Variants in KCNQ4 observed in about 807,000 individuals in gnomAD.
KCNQ4 encodes the protein potassium voltage-gated channel subfamily Q member 4, also known as potassium voltage-gated channel subfamily KQT member 4.
Under a neutral mutation model 72.6 loss-of-function variants are expected in KCNQ4, and 31 were observed. The observed-to-expected ratio is 0.43, with a 90% CI of 0.32 to 0.58. KCNQ4 has a LOEUF of 0.58. Among genes scored for constraint, KCNQ4 ranks in the 20% least tolerant of loss-of-function variants. KCNQ4 has a pLI of 0.08. For synonymous variants in KCNQ4, 405 were observed against 403.7 expected, an observed-to-expected ratio of 1.00 and a Z score of -0.04; for missense variants, 869 against 962.6, an observed-to-expected ratio of 0.90 and a Z score of 1.29.
In KCNQ4 at chr1:40,831,160, G is replaced by A. The variant is rs776087577; in HGVS notation, c.1369G>A (p.Ala457Thr). 1.2e-6 allele frequency: 2 copies of A among 1,611,252 alleles called. No homozygotes were observed. Among genetic ancestry groups the A allele is most frequent in the East Asian group, 2.2e-5 (1 of 44,808 alleles). The change falls in exon 10 of 14, where the codon GCA becomes ACA. Residue 457 changes from alanine (A) to threonine (T), a missense_variant. Ala to Thr is a moderately conservative substitution (Grantham distance 58, BLOSUM62 0). Transcript: ENST00000347132. ...GACGGGTCCTTCCAAGCAGCATCTGGCACCTCCAACAATGCCCACCTCCCC... is the reference window on the plus strand; with the variant it reads ...GACGGGTCCTTCCAAGCAGCATCTGACACCTCCAACAATGCCCACCTCCCC... ...RRTGPSKQHL[A>T]PPTMPTSPSS... is the part of the protein sequence containing the mutation.
At chr1:40,787,819 G>T (rs147678179) in intron 1 of KCNQ4, among the ~76,000 whole-genome samples, 1 of 152,136 alleles carries the variant, frequency 6.6e-6, no homozygotes, top group East Asian at 1.9e-4. Context: ...GGGAATGCTC[G>T]CTGTCCCCTT....
At chr1:40,807,962 C>A (rs749211197) in intron 1 of KCNQ4, among the ~76,000 whole-genome samples, 17 of 151,682 alleles carry the variant, frequency 1.1e-4, no homozygotes, top group South Asian at 2.1e-4. Context: ...TACTAAAAAT[C>A]AAAAAAAATT....
intron 1 of KCNQ4, among the ~76,000 whole-genome samples, chr1:40,786,232 A>T (rs1647201364): frequency 6.6e-6 from 1 of 152,250 alleles, no homozygotes; most frequent in Non-Finnish European, 1.5e-5. Flanking sequence ...TTTCCAAGGC[A>T]TGGCAGGGCC....
chr1:40,832,047 T>C (rs1489456550), intron 10 of KCNQ4, among the ~76,000 whole-genome samples: 1 of 152,240 alleles, frequency 6.6e-6, no homozygotes, highest in African/African-American at 2.4e-5. Flanking sequence ...GATGTCACTT[T>C]TCTGAGTTTT....
chr1:40,814,388 G>A (rs575541504), intron 1 of KCNQ4, among the ~76,000 whole-genome samples: 3 of 152,198 alleles, frequency 2.0e-5, no homozygotes, highest in African/African-American at 7.2e-5. Context: ...TGTTATTACC[G>A]AAACAACCCA....
chr1:40,819,832 G>C (rs776304148), intron 5 of KCNQ4, 43 bp from the exon 6 acceptor site: 1 of 1,474,390 alleles, frequency 6.8e-7, no homozygotes, highest in Admixed American at 1.7e-5. Flanking sequence ...GCCGTAGGTG[G>C]CCCCCGTGAC....
rs566966223 is a variant in KCNQ4, at chr1:40,789,432, C to G, written c.314+5025C>G. On this transcript the variant is annotated intron_variant, in intron 1 of 13. Coordinates refer to ENST00000347132, the MANE Select transcript of KCNQ4 (RefSeq NM_004700.4). ...ACTTTGCCCTTGTGATTGGGAAAGT[C>G]TTTGAGTGTGACCCAAATTTTTCGT... is the stretch of plus-strand genomic sequence containing the variant. Among the ~76,000 whole-genome samples, 11 of 152,296 alleles carry G rather than the reference C, an allele frequency of 7.2e-5. 1 individual carries two copies. The highest frequency in any genetic ancestry group is 2.6e-4 in the African/African-American group (11 of 41,546).
chr1:40,838,172 C>T (rs1043299795), intron 13 of KCNQ4, 139 bp from the exon 14 acceptor site: 6 of 787,274 alleles, frequency 7.6e-6, no homozygotes, highest in African/African-American at 6.8e-5. Context: ...CAAGCTCCAC[C>T]TTTCCAGGCG....
At chr1:40,787,422 G>A (rs936088658) in intron 1 of KCNQ4, among the ~76,000 whole-genome samples, 1 of 152,188 alleles carries the variant, frequency 6.6e-6, no homozygotes, top group Non-Finnish European at 1.5e-5. Flanking sequence ...TGGGGTGAGA[G>A]GAGCGCATTC....
Position 40,784,041 on chromosome 1 carries a change from G to T in KCNQ4, c.-53G>T, listed in dbSNP as rs1043883608. 1 of 152,176 alleles carries T rather than the reference G, an allele frequency of 6.6e-6. No individual in the cohort carries two copies. Among genetic ancestry groups the T allele is most frequent in the Non-Finnish European group, 1.4e-5 (1 of 70,964 alleles). 9.4% of individuals were successfully genotyped at this position (152,176 alleles called of 1,614,324 possible). Reference sequence around the variant, plus strand: ...ATGCGTCTCTGAGCGCCCCGAGCGCGCCCCCGCCCCGGACCGTGCCCGGGC... The same window carrying T: ...ATGCGTCTCTGAGCGCCCCGAGCGCTCCCCCGCCCCGGACCGTGCCCGGGC... On this transcript the variant is annotated 5_prime_UTR_variant, in exon 1 of 14. Transcript: ENST00000347132. This position sits in a 1 kb window ranked among gnomAD's most constrained non-coding sequence, Gnocchi z 4.1.
chr1:40,819,447 A>T lies in KCNQ4; in HGVS notation c.809A>T (p.Tyr270Phe). 6.2e-7 allele frequency: 1 copy of T among 1,613,472 alleles called. No homozygotes were observed. The highest frequency in any genetic ancestry group is 1.7e-4 in the Middle Eastern group (1 of 6,060). ...GACGCCAACTCCGACTTCTCCTCCTACGCCGACTCGCTCTGGTGGGGGACG... is the reference window on the plus strand; with the variant it reads ...GACGCCAACTCCGACTTCTCCTCCTTCGCCGACTCGCTCTGGTGGGGGACG... ...EKDANSDFSS[Y>F]ADSLWWGTIT... Residue 270 changes from tyrosine (Y) to phenylalanine (F), a missense_variant, in exon 5 of 14, where the codon TAC becomes TTC. By Grantham distance (22) the Tyr-to-Phe change is conservative (BLOSUM62 3). Around this residue, in one of 5 missense-constraint regions of KCNQ4, gnomAD observed 179 missense variants for 243.0 expected, o/e 0.74. Coordinates refer to ENST00000347132, the MANE Select transcript of KCNQ4 (RefSeq NM_004700.4).
chr1:40,818,612 A>G lies in KCNQ4; in HGVS notation c.640A>G (p.Met214Val), dbSNP rs896684196. 1.2e-6 allele frequency: 2 copies of G among 1,606,846 alleles called. No individual in the cohort carries two copies. Among genetic ancestry groups the G allele is most frequent in the East Asian group, 2.2e-5 (1 of 44,818 alleles). The change falls in exon 4 of 14, where the codon ATG becomes GTG. Residue 214 changes from methionine (M) to valine (V), a missense_variant. Around this residue, in one of 5 missense-constraint regions of KCNQ4, gnomAD observed 179 missense variants for 243.0 expected, o/e 0.74. Coordinates refer to ENST00000347132, the MANE Select transcript of KCNQ4 (RefSeq NM_004700.4). ...CATGCGCTTCCTGCAGATCCTGCGC[A>G]TGGTGCGCATGGACCGCCGCGGCGG... ...RSMRFLQILR[M>V]VRMDRRGGTW...
intron 1 of KCNQ4, among the ~76,000 whole-genome samples, chr1:40,789,311 A>G (rs968847875): frequency 3.3e-5 from 5 of 152,094 alleles, no homozygotes; most frequent in African/African-American, 1.2e-4. Flanking sequence ...GTTAGTGGAG[A>G]ACTGTGCCAG....
intron 10 of KCNQ4, among the ~76,000 whole-genome samples, chr1:40,832,347 A>G (rs1648675297): frequency 6.6e-6 from 1 of 151,856 alleles, no homozygotes; most frequent in South Asian, 2.1e-4. Flanking sequence ...AGTTTACAGA[A>G]CCCCATAGAC....
intron 1 of KCNQ4, among the ~76,000 whole-genome samples, chr1:40,800,582 C>T (rs1302250407): frequency 6.6e-6 from 1 of 152,158 alleles, no homozygotes; most frequent in East Asian, 1.9e-4. Context: ...GACAGCCTTA[C>T]CCAGAACTCT....
chr1:40,785,868 G>C (rs1224525285), intron 1 of KCNQ4, among the ~76,000 whole-genome samples: 1 of 152,046 alleles, frequency 6.6e-6, no homozygotes, highest in Non-Finnish European at 1.5e-5. Flanking sequence ...GGGCTCTCTC[G>C]GCCATTAAGT....
In KCNQ4 at chr1:40,831,183, C is replaced by A; in HGVS notation, c.1392C>A (p.Ser464=). 1 of 1,611,234 alleles carries A rather than the reference C, an allele frequency of 6.2e-7. No individual in the cohort carries two copies. Among genetic ancestry groups the A allele is most frequent in the Non-Finnish European group, 8.5e-7 (1 of 1,178,854 alleles). Reference sequence around the variant, plus strand: ...TGGCACCTCCAACAATGCCCACCTCCCCAAGCAGCGAGCAGGTGGGTGAGG... The same window carrying A: ...TGGCACCTCCAACAATGCCCACCTCACCAAGCAGCGAGCAGGTGGGTGAGG... ...QHLAPPTMPT[S]PSSEQVGEAT... is the part of the protein sequence containing the mutation. The change falls in exon 10 of 14, where the codon TCC becomes TCA. Residue 464 remains serine (S), a synonymous_variant. Coordinates refer to ENST00000347132, the MANE Select transcript of KCNQ4 (RefSeq NM_004700.4).
intron 8 of KCNQ4, 68 bp downstream of exon 8, chr1:40,822,470 A>C: frequency 7.6e-7 from 1 of 1,312,364 alleles, no homozygotes; most frequent in Non-Finnish European, 1.1e-6. Flanking sequence ...CAAGTGGCTG[A>C]GACTCAACCC....
chr1:40,812,483 G>C (rs1250995737), intron 1 of KCNQ4, among the ~76,000 whole-genome samples: 2 of 152,014 alleles, frequency 1.3e-5, no homozygotes, highest in Middle Eastern at 3.2e-3. Flanking sequence ...GGCTGGTCTT[G>C]ACCTCCTGGA....
Sources: allele counts gnomAD v4.1 joint callset (sites outside exome capture counted in the v4.1 genomes callset), GRCh38; gene constraint gnomAD v4.1.1; regional missense constraint gnomAD v4.1.1; non-coding constraint Gnocchi (gnomAD v3.1); transcripts MANE v1.5; gene names NCBI Gene and HGNC (gene_info 2026-07-23, HGNC 2026-07-21).